ADAMTS15: variants seen among roughly 807,000 people sequenced by gnomAD.
ADAMTS15 encodes the protein A disintegrin and metalloproteinase with thrombospondin motifs 15.
ADAMTS15 carries 35 observed loss-of-function variants against 79.1 expected under a neutral mutation model. The observed-to-expected ratio is 0.44, with a 90% CI of 0.34 to 0.59. The LOEUF is 0.59. Among genes scored for constraint, ADAMTS15 ranks in the 20% least tolerant of loss-of-function variants. The pLI is 0.02. For missense variants in ADAMTS15, 1,324 were observed against 1,318.7 expected (o/e 1.00, Z -0.06); for synonymous variants, 616 against 567.3 (o/e 1.09, Z -1.22).
intron 4 of ADAMTS15, among the ~76,000 whole-genome samples, chr11:130,466,329 C>G (rs759973059): frequency 1.3e-5 from 2 of 152,172 alleles, no homozygotes; most frequent in Non-Finnish European, 2.9e-5. Context: ...GTCCAGGCCT[C>G]GCTCCTGACC....
chr11:130,469,142 A>G (rs1592149805), intron 4 of ADAMTS15, 120 bp from the exon 5 acceptor site: 2 of 988,686 alleles, frequency 2.0e-6, no homozygotes, highest in Non-Finnish European at 2.7e-6. Context: ...TACAACATTA[A>G]TTTCATTCCA....
rs1463043453 is a variant in ADAMTS15, at chr11:130,475,802, C to G, written c.*1981C>G. The G allele has an allele frequency of 6.6e-6, 1 of 150,724 alleles. No individual in the cohort carries two copies. Among genetic ancestry groups the G allele is most frequent in the Admixed American group, 6.7e-5 (1 of 15,000 alleles). The allele number at this position is 150,724 out of a possible 1,614,324, so 9.3% of individuals were successfully genotyped here. ...CCAGGCAGAAGCAGATCCTTGATAGCTGACGACAGCACTGCGCCCTGTGCT... is the reference window on the plus strand; with the variant it reads ...CCAGGCAGAAGCAGATCCTTGATAGGTGACGACAGCACTGCGCCCTGTGCT... On this transcript the variant is annotated 3_prime_UTR_variant, in exon 8 of 8. Transcript: ENST00000299164.
intron 4 of ADAMTS15, among the ~76,000 whole-genome samples, chr11:130,463,694 T>A (rs1428601885): frequency 2.0e-5 from 3 of 152,216 alleles, no homozygotes; most frequent in Admixed American, 2.0e-4. Context: ...GATACATGTC[T>A]AATTAAACCT....
chr11:130,457,217 C>A (rs1479953681), intron 1 of ADAMTS15, among the ~76,000 whole-genome samples: 1 of 146,410 alleles, frequency 6.8e-6, no homozygotes, highest in South Asian at 2.1e-4. Context: ...GGCAACAGAG[C>A]GAGACTCAGT....
chr11:130,452,202 G>T (rs1937976782), intron 1 of ADAMTS15, among the ~76,000 whole-genome samples: 1 of 152,174 alleles, frequency 6.6e-6, no homozygotes, highest in Non-Finnish European at 1.5e-5. Context: ...GGCAGATGCG[G>T]TCTCCGGGAA....
chr11:130,458,146 C>T (rs565516815), intron 1 of ADAMTS15, among the ~76,000 whole-genome samples: 22 of 152,280 alleles, frequency 1.4e-4, no homozygotes, highest in African/African-American at 4.6e-4. Context: ...GAGGCGGCTG[C>T]GGGGTGGCTG....
Position 130,476,509 on chromosome 11 carries a change from C to T in ADAMTS15, c.*2688C>T, listed in dbSNP as rs1478913994. 1 of 152,474 alleles carries T rather than the reference C, an allele frequency of 6.6e-6. No individual in the cohort carries two copies. The highest frequency in any genetic ancestry group is 1.5e-5 in the Non-Finnish European group (1 of 68,330). The allele number at this position is 152,474 out of a possible 1,614,324, so 9.4% of individuals were successfully genotyped here. A position where few individuals can be genotyped will look rare whatever the true frequency, so the allele number is the denominator to read the frequency against. On this transcript the variant is annotated 3_prime_UTR_variant, in exon 8 of 8. Coordinates refer to ENST00000299164, the MANE Select transcript of ADAMTS15 (RefSeq NM_139055.4). ...TCCCTCCCCGCCGTTGTGTTTGGTT[C>T]TTTTGCACTCCATGTACTGCAGAAG...
chr11:130,472,909 C>T lies in ADAMTS15; in HGVS notation c.2079-138C>T, dbSNP rs1449351031. On this transcript the variant is annotated intron_variant, in intron 7 of 7. Transcript: ENST00000299164. This position sits in a 1 kb window ranked among gnomAD's most constrained non-coding sequence, Gnocchi z 4.7. Reference sequence around the variant, plus strand: ...CAATCGCCAAGGGGCAGGGACCTCTCTGACTCCAAAACCTGTGCTTTTACT... The same window carrying T: ...CAATCGCCAAGGGGCAGGGACCTCTTTGACTCCAAAACCTGTGCTTTTACT... The T allele has an allele frequency of 7.7e-7, 1 of 1,302,390 alleles. No individual in the cohort carries two copies. The highest frequency in any genetic ancestry group is 1.1e-6 in the Non-Finnish European group (1 of 944,770). 80.7% of individuals were successfully genotyped at this position (1,302,390 alleles called of 1,614,324 possible).
At chr11:130,464,644 T>C (rs1938265597) in intron 4 of ADAMTS15, among the ~76,000 whole-genome samples, 1 of 152,140 alleles carries the variant, frequency 6.6e-6, no homozygotes, top group South Asian at 2.1e-4. Context: ...GAGAAAAACA[T>C]GCAATTGTGC....
At chr11:130,470,788 G>A in intron 5 of ADAMTS15, 132 bp from the exon 6 acceptor site, 1 of 999,380 alleles carries the variant, frequency 1.0e-6, no homozygotes, top group Middle Eastern at 3.4e-4. Flanking sequence ...TTTCAGATGG[G>A]GGGAGGTTGC....
At position 130,450,253 on chromosome 11, in the gene ADAMTS15, C is replaced by A. The variant is rs925043375; in HGVS notation, c.957+323C>A. On this transcript the variant is annotated intron_variant, in intron 1 of 7. Coordinates refer to ENST00000299164, the MANE Select transcript of ADAMTS15 (RefSeq NM_139055.4). ...GCCGCCCCGGAGCTGCAGTTTGTGT[C>A]CAAGACCGATAGGAGACGCCGTGAG... 9.1e-6 allele frequency: 9 copies of A among 985,370 alleles called. No homozygotes were observed. In the African/African-American group the frequency reaches 1.2e-4, roughly 13 times the overall value. 61.0% of individuals were successfully genotyped at this position (985,370 alleles called of 1,614,324 possible).
intron 1 of ADAMTS15, among the ~76,000 whole-genome samples, chr11:130,452,972 T>C (rs1937995114): frequency 8.3e-6 from 1 of 120,058 alleles, no homozygotes; most frequent in African/African-American, 3.8e-5. Context: ...AGAGTGAGGC[T>C]CTGTCTCAAA....
intron 1 of ADAMTS15, among the ~76,000 whole-genome samples, chr11:130,460,505 G>A: frequency 6.6e-6 from 1 of 152,100 alleles, no homozygotes; most frequent in Non-Finnish European, 1.5e-5. Flanking sequence ...TTGAGCTCCT[G>A]ACTTCAGGTG....
At chr11:130,471,997 G>A (rs907727621) in intron 7 of ADAMTS15, among the ~76,000 whole-genome samples, 1 of 152,366 alleles carries the variant, frequency 6.6e-6, no homozygotes, top group East Asian at 1.9e-4. Flanking sequence ...GGGACTGAAG[G>A]AGTCTTCACG....
rs775871798 is a variant in ADAMTS15, at chr11:130,476,147, G to A, written c.*2326G>A. 3.3e-5 allele frequency: 5 copies of A among 152,160 alleles called. No individual in the cohort carries two copies. Among genetic ancestry groups the A allele is most frequent in the African/African-American group, 4.8e-5 (2 of 41,416 alleles). The allele number at this position is 152,160 out of a possible 1,614,324, so 9.4% of individuals were successfully genotyped here. ...ATTTCCTTAATCCAACCATGCTCTC[G>A]AGGGCTGAGCAGAGACTAGACTCAA... On this transcript the variant is annotated 3_prime_UTR_variant, in exon 8 of 8. Transcript: ENST00000299164.
intron 1 of ADAMTS15, among the ~76,000 whole-genome samples, chr11:130,451,907 G>A (rs1477081937): frequency 6.6e-6 from 1 of 152,224 alleles, no homozygotes; most frequent in African/African-American, 2.4e-5. Context: ...CATGACCACT[G>A]GATCAGAAGC....
Position 130,448,965 on chromosome 11 carries a change from C to T in ADAMTS15, c.-9C>T. The T allele has an allele frequency of 6.7e-7, 1 of 1,489,650 alleles. No individual in the cohort carries two copies. The highest frequency in any genetic ancestry group is 8.9e-7 in the Non-Finnish European group (1 of 1,121,304). The allele number at this position is 1,489,650 out of a possible 1,614,324, so 92.3% of individuals were successfully genotyped here. ...CTTCCCACAGCGCGGCGGTGCGCTG[C>T]CCGGCGCCATGCTTCTGCTGGGCAT... On this transcript the variant is annotated 5_prime_UTR_variant, in exon 1 of 8. Transcript: ENST00000299164.
intron 1 of ADAMTS15, among the ~76,000 whole-genome samples, chr11:130,452,140 G>GGTA (rs60381366): frequency 0.53 from 80,870 of 151,768 alleles, 22,707 homozygotes; most frequent in African/African-American, 0.72. Flanking sequence ...TCTGGGGGAA[G>GGTA]GTACAGTATT....
At position 130,475,182 on chromosome 11, in the gene ADAMTS15, C is replaced by T. The variant is rs973555457; in HGVS notation, c.*1361C>T. The T allele has an allele frequency of 9.9e-5, 15 of 152,246 alleles. No individual in the cohort carries two copies. The highest frequency in any genetic ancestry group is 3.1e-4 in the African/African-American group (13 of 41,456). 9.4% of individuals were successfully genotyped at this position (152,246 alleles called of 1,614,324 possible). A position where few individuals can be genotyped will look rare whatever the true frequency, so the allele number is the denominator to read the frequency against. On this transcript the variant is annotated 3_prime_UTR_variant, in exon 8 of 8. Transcript: ENST00000299164. ...CAGCCCCCTGTTGGGGCTCCAAAGC[C>T]GAAGACAGGGCCTCTTCAGACTCCT...
Sources: allele counts gnomAD v4.1 joint callset (sites outside exome capture counted in the v4.1 genomes callset), GRCh38; gene constraint gnomAD v4.1.1; non-coding constraint Gnocchi (gnomAD v3.1); transcripts MANE v1.5; gene names NCBI Gene and HGNC (gene_info 2026-07-23, HGNC 2026-07-21).